The following KCNT2 variants were observed in gnomAD, a reference collection of about 807,000 sequenced individuals.
KCNT2 encodes the protein potassium sodium-activated channel subfamily T member 2.
A neutral mutation model predicts 153.8 loss-of-function variants in KCNT2; 67 were observed. That is an observed-to-expected ratio of 0.44 (90% CI 0.36 to 0.53). KCNT2 has a LOEUF of 0.53. Among genes scored for constraint, KCNT2 ranks in the 20% least tolerant of loss-of-function variants. The pLI is 0.00. For missense variants in KCNT2, 975 were observed against 1,354.8 expected, an observed-to-expected ratio of 0.72 and a Z score of 4.40; for synonymous variants, 500 against 458.8, an observed-to-expected ratio of 1.09 and a Z score of -1.15.
intron 8 of KCNT2, among the ~76,000 whole-genome samples, chr1:196,432,201 G>A (rs1030369638): frequency 2.0e-5 from 3 of 152,124 alleles, no homozygotes; most frequent in African/African-American, 7.2e-5. Flanking sequence ...AATTTTGCAG[G>A]TGCGCAAAGA....
chr1:196,291,393 G>T (rs900751696), intron 22 of KCNT2, among the ~76,000 whole-genome samples: 1 of 151,842 alleles, frequency 6.6e-6, no homozygotes, highest in Non-Finnish European at 1.5e-5. Context: ...TGACTTTAAA[G>T]TTATGTAAAA....
chr1:196,555,951 G>C (rs1209552552), intron 1 of KCNT2, among the ~76,000 whole-genome samples: 1 of 151,264 alleles, frequency 6.6e-6, no homozygotes, highest in East Asian at 1.9e-4. Context: ...ATATCCATAT[G>C]CACAATATTG....
chr1:196,377,349 G>C (rs1267203754), intron 13 of KCNT2, among the ~76,000 whole-genome samples: 1 of 151,746 alleles, frequency 6.6e-6, no homozygotes, highest in Non-Finnish European at 1.5e-5. Flanking sequence ...TGGTGGGGGG[G>C]AGAATTTCAA....
intron 1 of KCNT2, among the ~76,000 whole-genome samples, chr1:196,556,217 C>A (rs1239833136): frequency 6.6e-6 from 1 of 151,464 alleles, no homozygotes; most frequent in African/African-American, 2.4e-5. Context: ...AGACACAACA[C>A]ACAGAATGGG....
At chr1:196,595,549 GT>G (rs1216640363) in intron 1 of KCNT2, among the ~76,000 whole-genome samples, 1 of 151,990 alleles carries the variant, frequency 6.6e-6, no homozygotes, top group African/African-American at 2.4e-5. Flanking sequence ...ATGACATAAC[GT>G]TTGCACATAA....
chr1:196,237,006 G>T (rs1240965631), intron 26 of KCNT2, among the ~76,000 whole-genome samples: 1 of 151,564 alleles, frequency 6.6e-6, no homozygotes, highest in African/African-American at 2.4e-5. Context: ...TGCAGTTGCA[G>T]ACAAGAATGG....
At chr1:196,558,362 T>A (rs965804575) in intron 1 of KCNT2, among the ~76,000 whole-genome samples, 1 of 150,674 alleles carries the variant, frequency 6.6e-6, no homozygotes, top group Non-Finnish European at 1.5e-5. Context: ...TTTATAATAA[T>A]TTGAAAATCT....
Position 196,547,882 on chromosome 1 carries a change from G to A in KCNT2, c.96-55541C>T, listed in dbSNP as rs931736947. ...ATAGATTAGAAACAAACTCCAGTATGGTAACATCCAGAAAAAAACTATTTC... is the reference window on the plus strand; with the variant it reads ...ATAGATTAGAAACAAACTCCAGTATAGTAACATCCAGAAAAAAACTATTTC... On this transcript the variant is annotated intron_variant, in intron 1 of 27. Transcript: ENST00000294725. 2.6e-5 allele frequency among the ~76,000 whole-genome samples: 4 copies of A among 151,628 alleles called. No individual in the cohort carries two copies. The Admixed American group carries it at 2.6e-4, about 10-fold the overall frequency.
intron 1 of KCNT2, among the ~76,000 whole-genome samples, chr1:196,493,356 TG>T (rs1680003994): frequency 6.6e-6 from 1 of 151,834 alleles, no homozygotes; most frequent in African/African-American, 2.4e-5. Context: ...TTTTTGGTTT[TG>T]TTTTTTTTGC....
At chr1:196,409,143 C>A (rs1672080869) in intron 12 of KCNT2, among the ~76,000 whole-genome samples, 1 of 148,764 alleles carries the variant, frequency 6.7e-6, no homozygotes, top group Admixed American at 6.7e-5. Flanking sequence ...GGTATGAGTT[C>A]TTGTCCATGA....
chr1:196,334,487 C>CTTTTCTTTTTTTTTTTTTT (rs1664802330), intron 16 of KCNT2, among the ~76,000 whole-genome samples: 1 of 87,264 alleles, frequency 1.1e-5, no homozygotes, highest in South Asian at 5.1e-4. Context: ...TTCTTTCTTT[C>CTTTTCTTTTTTTTTTTTTT]TTTTTTTTTT....
chr1:196,237,224 G>A (rs993499860), intron 26 of KCNT2, among the ~76,000 whole-genome samples: 2 of 151,622 alleles, frequency 1.3e-5, no homozygotes, highest in African/African-American at 4.8e-5. Context: ...AAATAATGTT[G>A]ACTACTGTGT....
chr1:196,320,531 G>A (rs16839782), intron 19 of KCNT2, among the ~76,000 whole-genome samples: 7,513 of 151,744 alleles, frequency 0.05, 283 homozygotes, highest in Non-Finnish European at 0.072. Flanking sequence ...AGGATTAGTA[G>A]GAGTTTGTTC....
chr1:196,488,393 G>T (rs1228445357), intron 3 of KCNT2, among the ~76,000 whole-genome samples: 3 of 151,882 alleles, frequency 2.0e-5, no homozygotes, highest in African/African-American at 7.2e-5. Flanking sequence ...ACTGTAATCT[G>T]ATTTTTCAAA....
At chr1:196,385,770 A>AT (rs1669918412) in intron 13 of KCNT2, among the ~76,000 whole-genome samples, 1 of 143,800 alleles carries the variant, frequency 7.0e-6, no homozygotes, top group African/African-American at 2.7e-5. Flanking sequence ...CTGCATTAAA[A>AT]AAATATATAT....
At chr1:196,263,211 C>T (rs1424062587) in intron 25 of KCNT2, among the ~76,000 whole-genome samples, 5 of 150,694 alleles carry the variant, frequency 3.3e-5, no homozygotes, top group East Asian at 1.9e-4. Flanking sequence ...CTCTGGGGTA[C>T]GTGTGCAGAA....
chr1:196,334,084 T>G (rs1664753318), intron 16 of KCNT2, 24 bp from the exon 17 acceptor site: 3 of 1,545,380 alleles, frequency 1.9e-6, no homozygotes, highest in African/African-American at 1.4e-5. Flanking sequence ...ACATGAAAAT[T>G]TATCAAGGCG....
intron 19 of KCNT2, among the ~76,000 whole-genome samples, chr1:196,325,665 C>G (rs566994782): frequency 1.1e-4 from 16 of 152,196 alleles, no homozygotes; most frequent in African/African-American, 3.9e-4. Flanking sequence ...TTCATTTACC[C>G]TAAATATGCC....
At chr1:196,603,892 A>G (rs1162856760) in intron 1 of KCNT2, among the ~76,000 whole-genome samples, 2 of 152,266 alleles carry the variant, frequency 1.3e-5, no homozygotes, top group African/African-American at 4.8e-5. Context: ...GAAGACTTGT[A>G]TAACTGGCTG....
Sources: allele counts gnomAD v4.1 joint callset (sites outside exome capture counted in the v4.1 genomes callset), GRCh38; gene constraint gnomAD v4.1.1; transcripts MANE v1.5; gene names NCBI Gene and HGNC (gene_info 2026-07-23, HGNC 2026-07-21).